Variants in BAALC observed in about 807,000 individuals in gnomAD.
BAALC encodes the protein brain and acute leukemia cytoplasmic protein.
Under a neutral mutation model 15.5 loss-of-function variants are expected in BAALC, and 9 were observed. That is an observed-to-expected ratio of 0.58 (90% CI 0.35 to 1.02). The LOEUF (loss-of-function observed/expected upper bound fraction) is 1.02. Ranked by LOEUF, BAALC falls within the 50% of genes least tolerant of loss-of-function variation. The pLI, the probability that BAALC is intolerant of heterozygous loss-of-function variation, is 0.02. For missense variants in BAALC, 201 were observed against 192.4 expected (o/e 1.04, Z -0.27); for synonymous variants, 80 against 74.6 (o/e 1.07, Z -0.37).
chr8:103,170,511 G>A (rs1298080400), intron 1 of BAALC, among the ~76,000 whole-genome samples: 2 of 152,174 alleles, frequency 1.3e-5, no homozygotes, highest in Non-Finnish European at 2.9e-5. Context: ...GACACACAGA[G>A]AGGAGAATGC....
At chr8:103,213,186 G>A in intron 2 of BAALC, 101 bp downstream of exon 2, 1 of 1,295,464 alleles carries the variant, frequency 7.7e-7, no homozygotes, top group Non-Finnish European at 1.0e-6. Flanking sequence ...AGGGACCAGG[G>A]ATGGCTCATC....
chr8:103,157,920 A>G (rs893309745), intron 1 of BAALC, among the ~76,000 whole-genome samples: 2 of 152,242 alleles, frequency 1.3e-5, no homozygotes, highest in East Asian at 3.8e-4. Flanking sequence ...AACCTAATAT[A>G]TAACCACAAT....
intron 1 of BAALC, among the ~76,000 whole-genome samples, chr8:103,167,872 GT>G (rs1432304070): frequency 4.6e-5 from 7 of 152,250 alleles, no homozygotes; most frequent in African/African-American, 1.2e-4. Context: ...TTACATTAAA[GT>G]TTTTTTAAAG....
chr8:103,205,477 A>G (rs1373335196), intron 1 of BAALC, among the ~76,000 whole-genome samples: 1 of 152,218 alleles, frequency 6.6e-6, no homozygotes, highest in Non-Finnish European at 1.5e-5. Context: ...AAAAATATAC[A>G]TGAGTACTTT....
chr8:103,219,510 T>C (rs997090412), intron 2 of BAALC: 2 of 152,182 alleles, frequency 1.3e-5, no homozygotes, highest in African/African-American at 4.8e-5. Flanking sequence ...GAAGTTCAAG[T>C]TGAAAAGCAA....
At chr8:103,200,571 C>G (rs549446379) in intron 1 of BAALC, 2 of 484,098 alleles carry the variant, frequency 4.1e-6, no homozygotes, top group Admixed American at 5.4e-5. Context: ...GAGTAAAAGA[C>G]AACAGGGACT....
Position 103,141,035 on chromosome 8 carries a change from C to G in BAALC, c.138C>G (p.Pro46=), listed in dbSNP as rs1282724881. 2.6e-5 allele frequency: 39 copies of G among 1,507,078 alleles called. No individual in the cohort carries two copies. The highest frequency in any genetic ancestry group is 3.2e-5 in the Non-Finnish European group (36 of 1,127,954). 93.4% of individuals were successfully genotyped at this position (1,507,078 alleles called of 1,614,324 possible). Residue 46 remains proline, a synonymous_variant, in exon 1 of 3, where the codon CCC becomes CCG. Coordinates refer to ENST00000309982, the MANE Select transcript of BAALC (RefSeq NM_024812.3). ...GCGCCGCCGCCCCGGACAGCGGCCC[C>G]GAAGCGGGCGGCCTGCACTCGGGTA... ...PPSAAAPDSG[P]EAGGLHSGML...
At chr8:103,173,387 T>A (rs1811541036) in intron 1 of BAALC, among the ~76,000 whole-genome samples, 1 of 152,244 alleles carries the variant, frequency 6.6e-6, no homozygotes, top group Non-Finnish European at 1.5e-5. Flanking sequence ...ATCTTCCTTT[T>A]TTCACACTTC....
chr8:103,225,405 T>C (rs1431025543), intron 2 of BAALC, among the ~76,000 whole-genome samples: 1 of 152,230 alleles, frequency 6.6e-6, no homozygotes, highest in Non-Finnish European at 1.5e-5. Context: ...AGTATGATCT[T>C]TGGTTAGGTT....
chr8:103,161,326 C>T (rs549436612), intron 1 of BAALC, among the ~76,000 whole-genome samples: 9 of 151,456 alleles, frequency 5.9e-5, no homozygotes, highest in African/African-American at 2.2e-4. Context: ...ACACAGAAAT[C>T]TCTATATCCA....
At chr8:103,206,393 C>A (rs1250956601) in intron 1 of BAALC, among the ~76,000 whole-genome samples, 1 of 152,100 alleles carries the variant, frequency 6.6e-6, no homozygotes, top group Non-Finnish European at 1.5e-5. Context: ...GCTTTTCTTG[C>A]TGAGAGATTT....
In BAALC at chr8:103,140,788, G is replaced by A. The variant is rs1810748354; in HGVS notation, c.-110G>A. 9.7e-7 allele frequency: 1 copy of A among 1,026,410 alleles called. No individual in the cohort carries two copies. Among genetic ancestry groups the A allele is most frequent in the South Asian group, 4.8e-5 (1 of 21,010 alleles). The allele number at this position is 1,026,410 out of a possible 1,614,324, so 63.6% of individuals were successfully genotyped here. A position where few individuals can be genotyped will look rare whatever the true frequency, so the allele number is the denominator to read the frequency against. On this transcript the variant is annotated 5_prime_UTR_variant, in exon 1 of 3. Transcript: ENST00000309982. The surrounding 1 kb of genome is among the most constrained non-coding windows in gnomAD (Gnocchi z 4.2). ...CTGCAGCGCGGGCGGGAGCGGGGAC[G>A]CGATGTCGCCGCCGCCGCCTCCTTG...
intron 1 of BAALC, among the ~76,000 whole-genome samples, chr8:103,210,365 T>C (rs1432170876): frequency 6.6e-6 from 1 of 152,218 alleles, no homozygotes; most frequent in Non-Finnish European, 1.5e-5. Flanking sequence ...CTGATTTCTA[T>C]CCCATGGTCA....
At chr8:103,149,470 A>T (rs1810939000) in intron 1 of BAALC, among the ~76,000 whole-genome samples, 1 of 152,244 alleles carries the variant, frequency 6.6e-6, no homozygotes, top group Non-Finnish European at 1.5e-5. Context: ...TTAAACATTT[A>T]AAAAGCATAG....
intron 1 of BAALC, among the ~76,000 whole-genome samples, chr8:103,188,921 G>A (rs75076333): frequency 0.15 from 23,065 of 151,982 alleles, 1,917 homozygotes; most frequent in African/African-American, 0.22. Context: ...TCTTTGAAAC[G>A]TTAAAAGTGG....
chr8:103,195,105 G>A (rs1441341143), intron 1 of BAALC, among the ~76,000 whole-genome samples: 2 of 152,124 alleles, frequency 1.3e-5, no homozygotes, highest in African/African-American at 2.4e-5. Flanking sequence ...AGACCTTCTA[G>A]TCCCAGAATC....
chr8:103,206,182 G>T (rs987949779), intron 1 of BAALC, among the ~76,000 whole-genome samples: 1 of 152,160 alleles, frequency 6.6e-6, no homozygotes, highest in African/African-American at 2.4e-5. Context: ...CAGAAACACT[G>T]TGAGCTCCCA....
chr8:103,164,186 C>T (rs969252766), intron 1 of BAALC, among the ~76,000 whole-genome samples: 1 of 152,044 alleles, frequency 6.6e-6, no homozygotes, highest in African/African-American at 2.4e-5. Context: ...CCAGGAGGGG[C>T]CCCCAGTAGT....
chr8:103,185,627 C>T (rs1251034645), intron 1 of BAALC, among the ~76,000 whole-genome samples: 1 of 152,220 alleles, frequency 6.6e-6, no homozygotes, highest in East Asian at 1.9e-4. Context: ...AAATGACTCC[C>T]CAGAGACTGA....
Sources: allele counts gnomAD v4.1 joint callset (sites outside exome capture counted in the v4.1 genomes callset), GRCh38; gene constraint gnomAD v4.1.1; non-coding constraint Gnocchi (gnomAD v3.1); transcripts MANE v1.5; gene names NCBI Gene and HGNC (gene_info 2026-07-23, HGNC 2026-07-21).